ABCD2: variants seen among roughly 807,000 people sequenced by gnomAD.
The protein encoded by ABCD2 is ATP-binding cassette sub-family D member 2.
ABCD2 carries 36 observed loss-of-function variants against 70.9 expected under a neutral mutation model. That is an observed-to-expected ratio of 0.51 (90% confidence interval 0.39 to 0.67). The LOEUF is 0.67. Among genes scored for constraint, ABCD2 ranks in the 30% least tolerant of loss-of-function variants. The pLI is 0.00. For synonymous variants in ABCD2, 304 were observed against 306.9 expected, an observed-to-expected ratio of 0.99 and a Z score of 0.10; for missense variants, 729 against 890.2, an observed-to-expected ratio of 0.82 and a Z score of 2.30.
At chr12:39,610,351 C>A (rs1942028856) in intron 2 of ABCD2, among the ~76,000 whole-genome samples, 1 of 151,762 alleles carries the variant, frequency 6.6e-6, no homozygotes, top group South Asian at 2.1e-4. Context: ...GTTAGTTTAC[C>A]TAAAGAAGGA....
chr12:39,547,997 A>C (rs190654966), downstream of ABCD2, among the ~76,000 whole-genome samples: 21 of 152,146 alleles, frequency 1.4e-4, no homozygotes, highest in Non-Finnish European at 2.9e-5. Flanking sequence ...CGATTTTTCA[A>C]CTTTGCCATT....
intron 8 of ABCD2, among the ~76,000 whole-genome samples, chr12:39,578,007 G>A (rs1305157248): frequency 6.6e-6 from 1 of 152,020 alleles, no homozygotes; most frequent in Non-Finnish European, 1.5e-5. Context: ...GCTTAGTGTG[G>A]GCCAACTAAT....
chr12:39,597,698 A>C (rs1941835702), intron 6 of ABCD2, among the ~76,000 whole-genome samples: 1 of 152,344 alleles, frequency 6.6e-6, no homozygotes, highest in Middle Eastern at 3.4e-3. Context: ...GAGCAATACT[A>C]AGCATTTTAA....
chr12:39,586,299 T>C lies in ABCD2; in HGVS notation c.1647-2A>G. Reference sequence around the variant, plus strand: ...AGACTTCCAAGAGACATATATGGCCTTTAAAACACCAAGCACACAAGAATC... The same window carrying C: ...AGACTTCCAAGAGACATATATGGCCCTTAAAACACCAAGCACACAAGAATC... On this transcript the variant is annotated splice_acceptor_variant, in intron 6 of 9. Transcript: ENST00000308666. LOFTEE classifies it high-confidence loss of function. The C allele has an allele frequency of 6.2e-7, 1 of 1,607,134 alleles. No individual in the cohort carries two copies. Among genetic ancestry groups the C allele is most frequent in the Non-Finnish European group, 8.5e-7 (1 of 1,177,360 alleles).
chr12:39,534,782 G>GAA, the ABCD2 span, among the ~76,000 whole-genome samples: 34 of 136,132 alleles, frequency 2.5e-4, no homozygotes, highest in South Asian at 7.2e-4. Context: ...AAGAAAGAAA[G>GAA]AAAGAAAGAA....
intron 2 of ABCD2, among the ~76,000 whole-genome samples, chr12:39,615,593 T>C (rs971935411): frequency 8.5e-5 from 13 of 152,198 alleles, no homozygotes; most frequent in Admixed American, 7.8e-4. Context: ...TAGTGTCTAT[T>C]ACACAGTTCA....
At position 39,551,596 on chromosome 12, in the gene ABCD2, T is replaced by C. The variant is rs1273875003; in HGVS notation, c.*2316A>G. On this transcript the variant is annotated 3_prime_UTR_variant, in exon 10 of 10. Coordinates refer to ENST00000308666, the MANE Select transcript of ABCD2 (RefSeq NM_005164.4). ...CTGAAAAATAAATTCAGAAAACAAA[T>C]AGGCACAAAAAGCTCATGGAAAACA... is the stretch of plus-strand genomic sequence containing the variant. 1 of 151,728 alleles carries C rather than the reference T, an allele frequency of 6.6e-6. No homozygotes were observed. Among genetic ancestry groups the C allele is most frequent in the Non-Finnish European group, 1.5e-5 (1 of 67,690 alleles). The allele number at this position is 151,728 out of a possible 1,614,324, so 9.4% of individuals were successfully genotyped here.
rs1447082356 is a variant in ABCD2 at position 39,553,287 on chromosome 12, A to G, written c.*625T>C. 6.6e-6 allele frequency: 1 copy of G among 152,094 alleles called. No homozygotes were observed. Among genetic ancestry groups the G allele is most frequent in the East Asian group, 1.9e-4 (1 of 5,208 alleles). 9.4% of individuals were successfully genotyped at this position (152,094 alleles called of 1,614,324 possible). ...ATTTGTACTAAAATTAATTTGTTATATGCCCTCATTAAGATGCTTAAAGTC... is the reference window on the plus strand; with the variant it reads ...ATTTGTACTAAAATTAATTTGTTATGTGCCCTCATTAAGATGCTTAAAGTC... On this transcript the variant is annotated 3_prime_UTR_variant, in exon 10 of 10. Coordinates refer to ENST00000308666, the MANE Select transcript of ABCD2 (RefSeq NM_005164.4).
intron 2 of ABCD2, among the ~76,000 whole-genome samples, chr12:39,614,451 T>G (rs1942088077): frequency 6.6e-6 from 1 of 152,170 alleles, no homozygotes. Flanking sequence ...GAGCCAACAT[T>G]TGAACAGCAG....
At chr12:39,563,513 T>A (rs1300131160) in intron 9 of ABCD2, among the ~76,000 whole-genome samples, 1 of 152,032 alleles carries the variant, frequency 6.6e-6, no homozygotes, top group African/African-American at 2.4e-5. Flanking sequence ...CCAGAGCAAT[T>A]AGGCAAGAAA....
chr12:39,567,614 C>G (rs1343357018), intron 9 of ABCD2, among the ~76,000 whole-genome samples: 1 of 145,144 alleles, frequency 6.9e-6, no homozygotes, highest in Admixed American at 7.0e-5. Flanking sequence ...TTAATTGGAG[C>G]ATTTAGCCCA....
the ABCD2 span, among the ~76,000 whole-genome samples, chr12:39,533,604 G>A: frequency 6.6e-6 from 1 of 152,062 alleles, no homozygotes; most frequent in Non-Finnish European, 1.5e-5. Flanking sequence ...TTTTTCTATA[G>A]TGAGATCTAC....
the ABCD2 span, among the ~76,000 whole-genome samples, chr12:39,531,728 C>CT: frequency 6.6e-6 from 1 of 152,184 alleles, no homozygotes; most frequent in African/African-American, 2.4e-5. Flanking sequence ...TGGAATCATG[C>CT]TTTTTTGTGA....
chr12:39,594,999 G>A (rs1205015006), intron 6 of ABCD2, among the ~76,000 whole-genome samples: 2 of 152,106 alleles, frequency 1.3e-5, no homozygotes, highest in East Asian at 3.9e-4. Flanking sequence ...CCAGGAGGCA[G>A]AGGCTGCAGT....
At chr12:39,616,524 C>T (rs1382422248) in intron 2 of ABCD2, among the ~76,000 whole-genome samples, 1 of 151,968 alleles carries the variant, frequency 6.6e-6, no homozygotes, top group African/African-American at 2.4e-5. Flanking sequence ...TCCTGCTTGC[C>T]CATTGTAGTC....
chr12:39,546,387 T>G (rs1387000904), downstream of ABCD2, among the ~76,000 whole-genome samples: 2 of 152,174 alleles, frequency 1.3e-5, no homozygotes, highest in Admixed American at 6.6e-5. Flanking sequence ...CTGCCATGTA[T>G]TGTTCTAGGT....
intron 5 of ABCD2, 72 bp from the exon 6 acceptor site, chr12:39,600,788 T>G: frequency 1.5e-6 from 2 of 1,369,634 alleles, no homozygotes; most frequent in Non-Finnish European, 2.0e-6. Flanking sequence ...TAAAAGTAAA[T>G]TATTTTTTTA....
intron 6 of ABCD2, among the ~76,000 whole-genome samples, chr12:39,587,052 AC>A (rs1351895898): frequency 1.3e-5 from 2 of 152,082 alleles, no homozygotes; most frequent in African/African-American, 2.4e-5. Flanking sequence ...TTGCCCTTTG[AC>A]CTCCTTCTGG....
intron 2 of ABCD2, among the ~76,000 whole-genome samples, chr12:39,612,751 C>G (rs1232621434): frequency 6.6e-6 from 1 of 152,146 alleles, no homozygotes. Flanking sequence ...TATAAAATAA[C>G]ATTTCAACGA....
Sources: gnomAD v4.1 joint callset for allele counts (sites outside exome capture counted in the v4.1 genomes callset) on GRCh38, gnomAD v4.1.1 for gene constraint, MANE v1.5 for transcripts, NCBI Gene and HGNC (gene_info 2026-07-23, HGNC 2026-07-21) for gene names.